The following KIF12 variants were observed in gnomAD, a reference collection of about 807,000 sequenced individuals.
The protein encoded by KIF12 is kinesin family member 12.
A neutral mutation model predicts 87.9 loss-of-function variants in KIF12; 80 were observed. The observed-to-expected ratio is 0.91, with a 90% confidence interval of 0.76 to 1.10. The LOEUF is 1.10. Ranked by LOEUF, KIF12 falls within the 50% of genes least tolerant of loss-of-function variation. The pLI, the probability that KIF12 is intolerant of heterozygous loss-of-function variation, is 0.00. For missense variants in KIF12, 819 were observed against 865.3 expected, an observed-to-expected ratio of 0.95 and a Z score of 0.67; for synonymous variants, 353 against 348.5, an observed-to-expected ratio of 1.01 and a Z score of -0.14.
intron 3 of KIF12, among the ~76,000 whole-genome samples, 181 bp from the exon 4 acceptor site, chr9:114,098,610 GGTTGGGGGTGGGGTGGGGGACACTCACT>G: frequency 7.1e-6 from 1 of 140,840 alleles, no homozygotes; most frequent in Non-Finnish European, 1.6e-5. Context: ...GAGCACCCTG[GGTTGGGGGTGGGGTGGGGGACACTCACT>G]AGGGCCGGGG....
chr9:114,098,592 CGGT>C (rs1448137937), intron 3 of KIF12, among the ~76,000 whole-genome samples, 163 bp from the exon 4 acceptor site: 1 of 65,936 alleles, frequency 1.5e-5, no homozygotes, highest in Non-Finnish European at 2.9e-5. Context: ...GTGAGGCACT[CGGT>C]GGGCGAGCAC....
intron 13 of KIF12, 27 bp downstream of exon 13, chr9:114,094,154 T>G: frequency 6.3e-7 from 1 of 1,597,684 alleles, no homozygotes; most frequent in Non-Finnish European, 8.6e-7. Context: ...GGGAGCAGCA[T>G]CCCTCTGGCT....
At position 114,094,348 on chromosome 9, in the gene KIF12, C is replaced by T; in HGVS notation, c.1222+5G>A. The T allele has an allele frequency of 6.2e-7, 1 of 1,612,986 alleles. No individual in the cohort carries two copies. Among genetic ancestry groups the T allele is most frequent in the South Asian group, 1.1e-5 (1 of 91,026 alleles). On this transcript the variant is annotated splice_donor_5th_base_variant and intron_variant, in intron 12 of 18. Coordinates refer to ENST00000640217, the MANE Select transcript of KIF12 (RefSeq NM_001388308.1). ...CATCCTACTCTGCCTCCAGGAAGCC[C>T]ATACCCTTGCAGTCCATTTGGTCCA...
Position 114,099,128 on chromosome 9 carries a change from T to A in KIF12, c.68A>T (p.Glu23Val). The change falls in exon 2 of 19, where the codon GAA becomes GTA. Residue 23 changes from glutamate to valine, a missense_variant. By Grantham distance (121) the Glu-to-Val change is moderately radical. Coordinates refer to ENST00000640217, the MANE Select transcript of KIF12 (RefSeq NM_001388308.1). ...CCTGAGCACCACCTGGATGGGCGTT[T>A]CCGGCCCCTCTGGCCCTTGCTCCAG... The part of the protein sequence containing the change: ...RSLEQGPEGP[E>V]TPIQVVLRVR... 6.4e-7 allele frequency: 1 copy of A among 1,550,610 alleles called. No individual in the cohort carries two copies. The highest frequency in any genetic ancestry group is 1.2e-5 in the South Asian group (1 of 84,062).
chr9:114,096,265 G>A, intron 8 of KIF12, 58 bp from the exon 9 acceptor site: 1 of 1,609,166 alleles, frequency 6.2e-7, no homozygotes, highest in Non-Finnish European at 8.5e-7. Flanking sequence ...AAAGCCACAA[G>A]GTTATGGGAC....
rs372303689 is a variant in KIF12 at position 114,093,917 on chromosome 9, T to C, written c.1369A>G (p.Ile457Val). The stretch of plus-strand genomic sequence containing the variant: ...AGTGCATGGACCTGCTGGGCCAGGA[T>C]GCGCTGCTCATTCTGGGCCAGGTCT... ...SRDLAQNEQR[I>V]LAQQVHALER... Residue 457 changes from isoleucine (I) to valine (V), a missense_variant, in exon 14 of 19, where the codon ATC becomes GTC. Physicochemically the swap from Ile to Val is conservative, Grantham distance 29. Coordinates refer to ENST00000640217, the MANE Select transcript of KIF12 (RefSeq NM_001388308.1). 2.0e-5 allele frequency: 32 copies of C among 1,614,032 alleles called. No homozygotes were observed. The highest frequency in any genetic ancestry group is 2.6e-5 in the Non-Finnish European group (31 of 1,180,026).
In KIF12 at chr9:114,092,350, G is replaced by A; in HGVS notation, c.1799C>T (p.Thr600Ile). ...TTCTTCACCTCTGAGCCCTGGTGAT[G>A]TCTTCGGGGGCCTCACAGGCAGGGG... ...APPLPVRPPKTSPGLRGGAGV... is the reference protein window; with the variant it reads ...APPLPVRPPKISPGLRGGAGV... The change falls in exon 18 of 19, where the codon ACA becomes ATA. Residue 600 changes from threonine (T) to isoleucine (I), a missense_variant. Physicochemically the swap from Thr to Ile is moderately conservative, Grantham distance 89 (BLOSUM62 -1). Coordinates refer to ENST00000640217, the MANE Select transcript of KIF12 (RefSeq NM_001388308.1). 1 of 1,593,564 alleles carries A rather than the reference G, an allele frequency of 6.3e-7. No individual in the cohort carries two copies. Among genetic ancestry groups the A allele is most frequent in the South Asian group, 1.1e-5 (1 of 88,236 alleles).
In KIF12 at chr9:114,095,017, A is replaced by T. The variant is rs1273230308; in HGVS notation, c.1119+6T>A. 6.3e-7 allele frequency: 1 copy of T among 1,575,356 alleles called. No homozygotes were observed. Among genetic ancestry groups the T allele is most frequent in the Non-Finnish European group, 8.6e-7 (1 of 1,161,052 alleles). The stretch of plus-strand genomic sequence containing the variant: ...TGTCCCTCAGCTTGTGCCTGCCTAT[A>T]CTCACCTTGGGGGCCTGTGGTCGGG... On this transcript the variant is annotated splice_donor_region_variant and intron_variant, in intron 11 of 18. Coordinates refer to ENST00000640217, the MANE Select transcript of KIF12 (RefSeq NM_001388308.1).
rs2134873209 is a variant in KIF12 at position 114,091,936 on chromosome 9, G to T, written c.1881C>A (p.Ser627=). Residue 627 remains serine, a synonymous_variant, in exon 19 of 19, where the codon TCC becomes TCA. Coordinates refer to ENST00000640217, the MANE Select transcript of KIF12 (RefSeq NM_001388308.1). ...LEALRDQIGS[S]LRRGRSQPPC... is the part of the protein sequence containing the mutation. The stretch of plus-strand genomic sequence containing the variant: ...GTGGCTGGCTGCGGCCACGTCGCAG[G>T]GAGCTGCCAATCTGGTCTCTGAGGG... 9.9e-6 allele frequency: 16 copies of T among 1,612,626 alleles called. No individual in the cohort carries two copies. In the East Asian group the frequency reaches 3.6e-4, roughly 36 times the overall value.
intron 3 of KIF12, 63 bp downstream of exon 3, chr9:114,098,872 G>A (rs769148477): frequency 5.8e-4 from 882 of 1,520,420 alleles, no homozygotes; most frequent in Non-Finnish European, 7.4e-4. Context: ...AAAGTTGCCT[G>A]GGGGAAGGGA....
At chr9:114,097,577 GCTGT>G (rs781301095) in intron 6 of KIF12, 26 bp downstream of exon 6, 259 of 1,612,812 alleles carry the variant, frequency 1.6e-4, no homozygotes, top group Non-Finnish European at 2.0e-4. Flanking sequence ...TTCCTCATGG[GCTGT>G]CTTTCTATTC....
Position 114,097,717 on chromosome 9 carries a change from T to TG in KIF12, c.399dup (p.Ser134GlnfsTer36). 6.2e-7 allele frequency: 1 copy of TG among 1,614,010 alleles called. No individual in the cohort carries two copies. The highest frequency in any genetic ancestry group is 8.5e-7 in the Non-Finnish European group (1 of 1,179,984). On this transcript the variant is annotated frameshift_variant, in exon 6 of 19. Transcript: ENST00000640217. LOFTEE classifies it high-confidence loss of function. ...GTCCTCTGCATGATGCCAGCCAGGCTGGGGGGTACAGGCACCCCCTCCCCC... is the reference window on the plus strand; with the variant it reads ...GTCCTCTGCATGATGCCAGCCAGGCTGGGGGGGTACAGGCACCCCCTCCCCC...
chr9:114,098,878 A>G, intron 3 of KIF12, 57 bp downstream of exon 3: 13 of 1,524,492 alleles, frequency 8.5e-6, no homozygotes, highest in Non-Finnish European at 1.1e-5. Context: ...GCCTGGGGGA[A>G]GGGATCTGGC....
chr9:114,096,265 G>T (rs1288330169), intron 8 of KIF12, 58 bp from the exon 9 acceptor site: 7 of 1,609,046 alleles, frequency 4.4e-6, no homozygotes, highest in African/African-American at 1.3e-5. Flanking sequence ...AAAGCCACAA[G>T]GTTATGGGAC....
intron 5 of KIF12, 46 bp downstream of exon 5, chr9:114,098,069 G>T: frequency 6.6e-7 from 1 of 1,518,596 alleles, no homozygotes; most frequent in Non-Finnish European, 8.8e-7. Context: ...AGGGCTTCCA[G>T]CCCACCCAGC....
rs577460635 is a variant in KIF12, at chr9:114,093,188, T to G, written c.1596+41A>C. On this transcript the variant is annotated intron_variant, in intron 16 of 18. Transcript: ENST00000640217. ...ATGACTCCTGGATCAAGGTCTCCAG[T>G]TCTCCCAGCCTTCCCTCACTCCCAC... The G allele has an allele frequency of 3.7e-5, 55 of 1,494,020 alleles. No individual in the cohort carries two copies. The South Asian group carries it at 6.5e-4, about 18-fold the overall frequency. 92.5% of individuals were successfully genotyped at this position (1,494,020 alleles called of 1,614,324 possible).
chr9:114,096,583 A>G, intron 7 of KIF12, 105 bp from the exon 8 acceptor site: 1 of 952,592 alleles, frequency 1.0e-6, no homozygotes, highest in African/African-American at 1.6e-5. Flanking sequence ...AGCCTCATGC[A>G]AAGGCAGGGA....
intron 7 of KIF12, 144 bp from the exon 8 acceptor site, chr9:114,096,622 C>T (rs993855044): frequency 2.4e-5 from 17 of 697,980 alleles, no homozygotes; most frequent in Non-Finnish European, 3.6e-5. Context: ...GTTCAGGGAA[C>T]GATGGGATGT....
rs1847043098 is a variant in KIF12, at chr9:114,092,648, G to A, written c.1597-6C>T. The A allele has an allele frequency of 6.3e-7, 1 of 1,579,382 alleles. No individual in the cohort carries two copies. Among genetic ancestry groups the A allele is most frequent in the Non-Finnish European group, 8.6e-7 (1 of 1,167,168 alleles). On this transcript the variant is annotated splice_region_variant and splice_polypyrimidine_tract_variant and intron_variant, in intron 16 of 18. Transcript: ENST00000640217. ...GAGGCCTCAGGGTCCAACACCTGTA[G>A]GAAAGACCAGAGTCCACTCTGGGTG...
Sources: gnomAD v4.1 joint callset for allele counts (sites outside exome capture counted in the v4.1 genomes callset) on GRCh38, gnomAD v4.1.1 for gene constraint, MANE v1.5 for transcripts, NCBI Gene and HGNC (gene_info 2026-07-23, HGNC 2026-07-21) for gene names.